The following SLC9A9 variants were observed in gnomAD, a reference collection of about 807,000 sequenced individuals.
The protein encoded by SLC9A9 is solute carrier family 9 member A9, also known as sodium/hydrogen exchanger 9.
Under a neutral mutation model 77.8 loss-of-function variants are expected in SLC9A9, and 62 were observed. That is an observed-to-expected ratio of 0.80 (90% confidence interval 0.65 to 0.98). SLC9A9 has a LOEUF of 0.98. SLC9A9 is among the 50% of genes least tolerant of loss of function. SLC9A9 has a pLI of 0.00. For missense variants in SLC9A9, 775 were observed against 774.9 expected (o/e 1.00, Z 0.00); for synonymous variants, 320 against 283.5 (o/e 1.13, Z -1.29).
intron 11 of SLC9A9, among the ~76,000 whole-genome samples, chr3:143,481,489 C>A (rs2035573260): frequency 6.6e-6 from 1 of 152,102 alleles, no homozygotes; most frequent in African/African-American, 2.4e-5. Flanking sequence ...TTATGCTGAT[C>A]AGATGGCAAA....
chr3:143,774,125 C>G (rs1183777099), intron 4 of SLC9A9, among the ~76,000 whole-genome samples: 1 of 152,090 alleles, frequency 6.6e-6, no homozygotes, highest in Non-Finnish European at 1.5e-5. Flanking sequence ...AATCAGTGAA[C>G]TAGTAAACAT....
chr3:143,485,096 C>T (rs2035634699), intron 11 of SLC9A9, among the ~76,000 whole-genome samples: 1 of 152,202 alleles, frequency 6.6e-6, no homozygotes, highest in African/African-American at 2.4e-5. Context: ...CAACCTTCAC[C>T]CTTCAGCCCT....
chr3:143,744,112 A>C (rs1935147166), intron 4 of SLC9A9, among the ~76,000 whole-genome samples: 1 of 152,202 alleles, frequency 6.6e-6, no homozygotes, highest in African/African-American at 2.4e-5. Flanking sequence ...GATAACATAG[A>C]ATTCAAAGTA....
chr3:143,518,059 T>G lies in SLC9A9; in HGVS notation c.1090-22611A>C. On this transcript the variant is annotated intron_variant, in intron 9 of 15. Coordinates refer to ENST00000316549, the MANE Select transcript of SLC9A9 (RefSeq NM_173653.4). The stretch of plus-strand genomic sequence containing the variant: ...CCACCTTCTTACTGTCAGGTTTTTC[T>G]TCCTTGGTATTTTCTTCTGATTTAG... 2.0e-6 allele frequency: 3 copies of G among 1,517,888 alleles called. No individual in the cohort carries two copies. The South Asian group carries it at 3.4e-5, about 17-fold the overall frequency. The allele number at this position is 1,517,888 out of a possible 1,614,324, so 94.0% of individuals were successfully genotyped here.
chr3:143,635,402 A>C (rs1039637353), intron 6 of SLC9A9, among the ~76,000 whole-genome samples: 1 of 152,166 alleles, frequency 6.6e-6, no homozygotes, highest in Non-Finnish European at 1.5e-5. Flanking sequence ...TAGGAGTGTC[A>C]ATGAATTTGG....
At chr3:143,801,321 C>A (rs1020192394) in intron 2 of SLC9A9, among the ~76,000 whole-genome samples, 13 of 152,190 alleles carry the variant, frequency 8.5e-5, no homozygotes, top group Non-Finnish European at 1.8e-4. Context: ...CAGCGGCTGC[C>A]ACTGCCCTAA....
chr3:143,512,432 G>A (rs1272372295), intron 9 of SLC9A9, among the ~76,000 whole-genome samples: 2 of 152,150 alleles, frequency 1.3e-5, no homozygotes, highest in African/African-American at 4.8e-5. Context: ...CATACTACAG[G>A]AGATATTGTG....
chr3:143,370,601 A>ACACACACACACC (rs1436891895), intron 13 of SLC9A9, among the ~76,000 whole-genome samples: 3 of 150,654 alleles, frequency 2.0e-5, no homozygotes, highest in Admixed American at 6.6e-5. Flanking sequence ...ACACACACAC[A>ACACACACACACC]CCCTAACAAA....
intron 14 of SLC9A9, among the ~76,000 whole-genome samples, chr3:143,285,978 G>A (rs1938370154): frequency 6.6e-6 from 1 of 152,136 alleles, no homozygotes; most frequent in Non-Finnish European, 1.5e-5. Context: ...GAATACAGTT[G>A]AGGAAGTATG....
chr3:143,759,200 T>TC (rs2007029355), intron 4 of SLC9A9, among the ~76,000 whole-genome samples: 1 of 152,076 alleles, frequency 6.6e-6, no homozygotes, highest in South Asian at 2.1e-4. Flanking sequence ...CACTGCTATT[T>TC]CCTGGATGAC....
chr3:143,298,166 CT>C (rs1175718680), intron 14 of SLC9A9, among the ~76,000 whole-genome samples: 2 of 152,196 alleles, frequency 1.3e-5, no homozygotes, highest in East Asian at 1.9e-4. Context: ...AGTGGAAGGG[CT>C]TCCCCCCACG....
chr3:143,816,141 T>C (rs578188383), intron 2 of SLC9A9, among the ~76,000 whole-genome samples: 27 of 152,356 alleles, frequency 1.8e-4, no homozygotes, highest in African/African-American at 5.3e-4. Flanking sequence ...TTTCCTTCCA[T>C]TACTGTATTT....
chr3:143,601,293 T>C (rs750828716), intron 6 of SLC9A9, among the ~76,000 whole-genome samples: 3 of 152,186 alleles, frequency 2.0e-5, no homozygotes, highest in African/African-American at 4.8e-5. Context: ...ATCAGTCTTT[T>C]GAGATGGGAA....
In SLC9A9 at chr3:143,395,356, C is replaced by T. The variant is rs576375788; in HGVS notation, c.1470-13242G>A. ...AAAACAAGGAATGGGGAAAGGATTCCCTATTTAATAAATGGTGCTGGGAAA... is the reference window on the plus strand; with the variant it reads ...AAAACAAGGAATGGGGAAAGGATTCTCTATTTAATAAATGGTGCTGGGAAA... On this transcript the variant is annotated intron_variant, in intron 12 of 15. Transcript: ENST00000316549. Among the ~76,000 whole-genome samples the T allele has an allele frequency of 2.0e-5, 3 of 152,226 alleles. No individual in the cohort carries two copies. In the East Asian group the frequency reaches 5.8e-4, roughly 29 times the overall value.
At chr3:143,394,632 T>C (rs1337643500) in intron 12 of SLC9A9, among the ~76,000 whole-genome samples, 1 of 152,066 alleles carries the variant, frequency 6.6e-6, no homozygotes, top group Non-Finnish European at 1.5e-5. Flanking sequence ...AAATAAAGGG[T>C]ATTCAATTAG....
At chr3:143,680,556 AGTT>A (rs1933053941) in intron 5 of SLC9A9, among the ~76,000 whole-genome samples, 1 of 152,152 alleles carries the variant, frequency 6.6e-6, no homozygotes, top group African/African-American at 2.4e-5. Flanking sequence ...AGTATCAAAT[AGTT>A]GTAAGTTTTA....
At chr3:143,400,337 T>C (rs2033825240) in intron 12 of SLC9A9, among the ~76,000 whole-genome samples, 1 of 152,162 alleles carries the variant, frequency 6.6e-6, no homozygotes, top group Admixed American at 6.5e-5. Flanking sequence ...AGATAATTCA[T>C]GCTCTACTAC....
At chr3:143,731,026 T>A (rs901615769) in intron 4 of SLC9A9, among the ~76,000 whole-genome samples, 3 of 152,162 alleles carry the variant, frequency 2.0e-5, no homozygotes, top group Non-Finnish European at 4.4e-5. Flanking sequence ...TTCCAGCCAC[T>A]ACACAGAGAC....
chr3:143,845,700 T>G (rs931594478), intron 1 of SLC9A9, among the ~76,000 whole-genome samples: 1 of 152,208 alleles, frequency 6.6e-6, no homozygotes, highest in African/African-American at 2.4e-5. Context: ...TTTGACATCC[T>G]AACAATTATG....
Sources: gnomAD v4.1 joint callset for allele counts (sites outside exome capture counted in the v4.1 genomes callset) on GRCh38, gnomAD v4.1.1 for gene constraint, MANE v1.5 for transcripts, NCBI Gene and HGNC (gene_info 2026-07-23, HGNC 2026-07-21) for gene names.